The following AGO2 variants were observed in gnomAD, a reference collection of about 807,000 sequenced individuals.
AGO2 encodes the protein protein argonaute-2.
A neutral mutation model predicts 102.3 loss-of-function variants in AGO2; 5 were observed. That is an observed-to-expected ratio of 0.05 (90% confidence interval 0.03 to 0.10). The LOEUF (loss-of-function observed/expected upper bound fraction) is 0.10. Ranked by LOEUF, AGO2 falls within the 10% of genes least tolerant of loss-of-function variation. The pLI is 1.00. For synonymous variants in AGO2, 449 were observed against 473.1 expected, an observed-to-expected ratio of 0.95 and a Z score of 0.66; for missense variants, 541 against 1,183.7, an observed-to-expected ratio of 0.46 and a Z score of 7.97.
intron 1 of AGO2, among the ~76,000 whole-genome samples, chr8:140,601,969 G>A (rs2073940272): frequency 6.6e-6 from 1 of 152,112 alleles, no homozygotes; most frequent in African/African-American, 2.4e-5. Context: ...CTGAATCCCT[G>A]AATAGCTGCA....
In AGO2 at chr8:140,540,357, G is replaced by A. The variant is rs1022760490; in HGVS notation, c.2034+807C>T. ...GGATGTCTTCCCACCCCACTGGGTG[G>A]GGCTCCTCCCCCAACATGCCTGGGG... On this transcript the variant is annotated intron_variant, in intron 15 of 18. Coordinates refer to ENST00000220592, the MANE Select transcript of AGO2 (RefSeq NM_012154.5). This position sits in a 1 kb window ranked among gnomAD's most constrained non-coding sequence, Gnocchi z 5.0. Among the ~76,000 whole-genome samples, 3 of 152,160 alleles carry A rather than the reference G, an allele frequency of 2.0e-5. No individual in the cohort carries two copies. Among genetic ancestry groups the A allele is most frequent in the African/African-American group, 7.2e-5 (3 of 41,440 alleles).
intron 1 of AGO2, among the ~76,000 whole-genome samples, chr8:140,630,874 C>T (rs1290807637): frequency 2.0e-5 from 3 of 152,160 alleles, no homozygotes; most frequent in Non-Finnish European, 4.4e-5. Flanking sequence ...GGCAACATGT[C>T]AGGACTCCAT....
At chr8:140,545,011 C>G (rs947414658) in intron 13 of AGO2, among the ~76,000 whole-genome samples, 1 of 152,194 alleles carries the variant, frequency 6.6e-6, no homozygotes, top group Admixed American at 6.5e-5. Context: ...CAGCCTTGCT[C>G]GGCTGCTGCA....
intron 1 of AGO2, among the ~76,000 whole-genome samples, chr8:140,633,567 G>A (rs2074367084): frequency 6.6e-6 from 1 of 152,194 alleles, no homozygotes; most frequent in Non-Finnish European, 1.5e-5. Context: ...ACAGCATCCC[G>A]GGGCAGTGCA....
chr8:140,542,836 G>C (rs2072825310), intron 14 of AGO2, among the ~76,000 whole-genome samples: 1 of 152,236 alleles, frequency 6.6e-6, no homozygotes, highest in Non-Finnish European at 1.5e-5. Flanking sequence ...TCAGAGGAAA[G>C]GGCTGAAAAT....
At chr8:140,633,508 G>T (rs997350010) in intron 1 of AGO2, among the ~76,000 whole-genome samples, 1 of 152,208 alleles carries the variant, frequency 6.6e-6, no homozygotes, top group African/African-American at 2.4e-5. Context: ...ACAGAAACGA[G>T]CCTGTGGATC....
Position 140,558,983 on chromosome 8 carries a change from C to A in AGO2, c.791-411G>T, listed in dbSNP as rs865824596. ...AGAAGGACCCCGGGTAAGTCCTAGA[C>A]CCCCCCCAATCTGAGTTTCTTGGAG... is the stretch of plus-strand genomic sequence containing the variant. On this transcript the variant is annotated intron_variant, in intron 6 of 18. Coordinates refer to ENST00000220592, the MANE Select transcript of AGO2 (RefSeq NM_012154.5). 8.4e-4 allele frequency among the ~76,000 whole-genome samples: 127 copies of A among 151,908 alleles called. 2 individuals are homozygous for A. The highest frequency in any genetic ancestry group is 2.9e-3 in the African/African-American group (120 of 41,466).
Position 140,632,007 on chromosome 8 carries a change from G to C in AGO2, c.22+3478C>G, listed in dbSNP as rs183549482. Among the ~76,000 whole-genome samples the C allele has an allele frequency of 9.2e-5, 14 of 152,208 alleles. No individual in the cohort carries two copies. In the East Asian group the frequency reaches 2.3e-3, roughly 25 times the overall value. The stretch of plus-strand genomic sequence containing the variant: ...TTTTAAAACTCAAATGTTATGTTTT[G>C]AAGATTCACAGTAACGATTCGTGAA... On this transcript the variant is annotated intron_variant, in intron 1 of 18. Coordinates refer to ENST00000220592, the MANE Select transcript of AGO2 (RefSeq NM_012154.5).
At chr8:140,633,059 T>C (rs991302339) in intron 1 of AGO2, among the ~76,000 whole-genome samples, 6 of 151,996 alleles carry the variant, frequency 3.9e-5, no homozygotes, top group Non-Finnish European at 8.8e-5. Flanking sequence ...ACTACAGGCG[T>C]GCACCACCAC....
intron 2 of AGO2, among the ~76,000 whole-genome samples, chr8:140,579,147 C>T (rs949257675): frequency 1.3e-5 from 2 of 151,826 alleles, no homozygotes; most frequent in Admixed American, 6.6e-5. Context: ...TGCTTGACCT[C>T]GGGAGGTTGA....
In AGO2 at chr8:140,589,522, A is replaced by G. The variant is rs1262552723; in HGVS notation, c.23-4211T>C. Among the ~76,000 whole-genome samples the G allele has an allele frequency of 1.3e-5, 2 of 152,192 alleles. No homozygotes were observed. The highest frequency in any genetic ancestry group is 2.4e-5 in the African/African-American group (1 of 41,440). The stretch of plus-strand genomic sequence containing the variant: ...GGATGTAAACGGTTAAACATCTGCC[A>G]CCCAAATGACATGCAAAGCTGTTTC... On this transcript the variant is annotated intron_variant, in intron 1 of 18. Transcript: ENST00000220592. This position sits in a 1 kb window ranked among gnomAD's most constrained non-coding sequence, Gnocchi z 4.2.
At chr8:140,612,842 A>C (rs933695465) in intron 1 of AGO2, among the ~76,000 whole-genome samples, 2 of 152,156 alleles carry the variant, frequency 1.3e-5, no homozygotes, top group Non-Finnish European at 1.5e-5. Context: ...CTACAACAAC[A>C]ACCCTCCCTT....
chr8:140,526,269 T>C lies in AGO2; in HGVS notation c.*5775A>G, dbSNP rs1292778672. ...AAGCAGAAAAAAAAGTGCTTTCTTA[T>C]ATTAAATAGGAAAGTGAAAAGCCAG... On this transcript the variant is annotated 3_prime_UTR_variant, in exon 19 of 19. Coordinates refer to ENST00000220592, the MANE Select transcript of AGO2 (RefSeq NM_012154.5). This position sits in a 1 kb window ranked among gnomAD's most constrained non-coding sequence, Gnocchi z 5.2. 6.6e-6 allele frequency: 1 copy of C among 152,214 alleles called. No homozygotes were observed. Among genetic ancestry groups the C allele is most frequent in the Non-Finnish European group, 1.5e-5 (1 of 68,034 alleles). The allele number at this position is 152,214 out of a possible 1,614,324, so 9.4% of individuals were successfully genotyped here.
In AGO2 at chr8:140,551,338, G is replaced by A. The variant is rs267601798; in HGVS notation, c.1368C>T (p.Phe456=). 52 of 1,582,978 alleles carry A rather than the reference G, an allele frequency of 3.3e-5. No individual in the cohort carries two copies. The East Asian group carries it at 4.8e-4, about 15-fold the overall frequency. ...CTTCCGTGCACTGGCGCTGGGGGGC[G>A]AAGCACGCAATGGCCCACACCTTGA... The part of the protein sequence containing the change: ...IEIKVWAIAC[F]APQRQCTEVH... The change falls in exon 11 of 19, where the codon TTC becomes TTT. Residue 456 remains phenylalanine, a synonymous_variant. Transcript: ENST00000220592.
chr8:140,572,818 C>T lies in AGO2; in HGVS notation c.330G>A (p.Arg110=). ...LYTAMPLPIG[R]DKVELEVTLP... ...GGCATCCCGGCGAGCTTACCTTGTCCCTCCCAATCGGAAGGGGCATGGCTG... is the reference window on the plus strand; with the variant it reads ...GGCATCCCGGCGAGCTTACCTTGTCTCTCCCAATCGGAAGGGGCATGGCTG... Residue 110 remains arginine (R), a synonymous_variant, in exon 3 of 19, where the codon AGG becomes AGA. Coordinates refer to ENST00000220592, the MANE Select transcript of AGO2 (RefSeq NM_012154.5). 6.2e-7 allele frequency: 1 copy of T among 1,611,548 alleles called. No homozygotes were observed. The highest frequency in any genetic ancestry group is 1.7e-5 in the Admixed American group (1 of 59,396).
intron 1 of AGO2, among the ~76,000 whole-genome samples, chr8:140,601,923 C>A (rs116424745): frequency 1.3e-5 from 2 of 152,202 alleles, no homozygotes; most frequent in Non-Finnish European, 2.9e-5. Context: ...TCCTCCTCCA[C>A]GGTCTTTCCC....
At chr8:140,623,706 A>G (rs1412763036) in intron 1 of AGO2, among the ~76,000 whole-genome samples, 1 of 151,898 alleles carries the variant, frequency 6.6e-6, no homozygotes, top group Admixed American at 6.6e-5. Context: ...TCCCTCCATA[A>G]TGGCCACCAT....
chr8:140,547,320 C>G (rs906761832), intron 13 of AGO2, 148 bp downstream of exon 13: 1 of 1,035,456 alleles, frequency 9.7e-7, no homozygotes. Context: ...AGATCTATGT[C>G]TGACATCTTT....
chr8:140,587,053 C>T (rs1442359262), intron 1 of AGO2, among the ~76,000 whole-genome samples: 2 of 152,172 alleles, frequency 1.3e-5, no homozygotes, highest in Non-Finnish European at 2.9e-5. Context: ...GCTGGGCCGG[C>T]TCCAAACCAG....
Sources: gnomAD v4.1 joint callset for allele counts (sites outside exome capture counted in the v4.1 genomes callset) on GRCh38, gnomAD v4.1.1 for gene constraint, Gnocchi (gnomAD v3.1) non-coding constraint, MANE v1.5 for transcripts, NCBI Gene and HGNC (gene_info 2026-07-23, HGNC 2026-07-21) for gene names.